The following MIR2052HG variants were observed in gnomAD, a reference collection of about 807,000 sequenced individuals.
MIR2052HG encodes the protein MIR2052 host gene.
chr8:74,631,127 T>C (rs551754266), intron 2 of MIR2052HG, among the ~76,000 whole-genome samples: 53 of 152,298 alleles, frequency 3.5e-4, no homozygotes, highest in African/African-American at 1.2e-3. Flanking sequence ...GCAATTATCA[T>C]GTAAGGTATA....
chr8:74,622,630 A>AGAAAAGAC (rs1808378619), intron 2 of MIR2052HG, among the ~76,000 whole-genome samples: 3 of 152,052 alleles, frequency 2.0e-5, no homozygotes, highest in Non-Finnish European at 1.5e-5. Flanking sequence ...AATTTTAAAA[A>AGAAAAGAC]GAAAAGACGA....
intron 4 of MIR2052HG, among the ~76,000 whole-genome samples, chr8:74,704,245 A>G (rs796819031): frequency 4.6e-5 from 7 of 152,104 alleles, no homozygotes; most frequent in African/African-American, 1.7e-4. Context: ...TTTTCTTTCT[A>G]TACTTCTTGG....
intron 2 of MIR2052HG, chr8:74,625,190 C>T (rs1287507556): frequency 6.6e-6 from 1 of 152,110 alleles, no homozygotes; most frequent in Non-Finnish European, 1.5e-5. Flanking sequence ...TCCTAAATAG[C>T]AAGGACTACA....
At chr8:74,635,046 A>G (rs1808565246) in intron 2 of MIR2052HG, among the ~76,000 whole-genome samples, 1 of 152,186 alleles carries the variant, frequency 6.6e-6, no homozygotes, top group Non-Finnish European at 1.5e-5. Context: ...ATGACTTATT[A>G]GGATTTTAGA....
At chr8:74,756,008 AC>A (rs1406215707) in intron 5 of MIR2052HG, among the ~76,000 whole-genome samples, 13 of 152,306 alleles carry the variant, frequency 8.5e-5, no homozygotes, top group Admixed American at 4.6e-4. Flanking sequence ...TACTTCAGAC[AC>A]CAGCAGCACT....
At chr8:74,701,452 C>T (rs759155702) in intron 2 of MIR2052HG, among the ~76,000 whole-genome samples, 42 of 151,952 alleles carry the variant, frequency 2.8e-4, no homozygotes, top group African/African-American at 4.3e-4. Flanking sequence ...CTCCATACTC[C>T]GGGGCAGTCA....
At chr8:74,686,259 T>A (rs74795429) in intron 2 of MIR2052HG, among the ~76,000 whole-genome samples, 2,182 of 152,122 alleles carry the variant, frequency 0.014, 40 homozygotes, top group African/African-American at 0.05. Context: ...GTCTCCCTAG[T>A]CTAATTCTGA....
At chr8:74,747,891 A>T (rs1809903254) in intron 4 of MIR2052HG, among the ~76,000 whole-genome samples, 1 of 152,144 alleles carries the variant, frequency 6.6e-6, no homozygotes, top group South Asian at 2.1e-4. Flanking sequence ...CCCCCTAGAA[A>T]ATTTTCCTCA....
chr8:74,687,832 G>T lies in MIR2052HG; in HGVS notation n.217-14547G>T, dbSNP rs58330177. Among the ~76,000 whole-genome samples the T allele has an allele frequency of 2.0e-5, 3 of 152,224 alleles. No individual in the cohort carries two copies. In the East Asian group the frequency reaches 5.8e-4, roughly 29 times the overall value. On this transcript the variant is annotated intron_variant and non_coding_transcript_variant, in intron 2 of 6. Coordinates refer to ENST00000523442, the Ensembl canonical transcript of MIR2052HG. ...ATTAACTGGGTAGATTTTATGTTAA[G>T]TATTCTTATCACAAAAATGGGACAC...
chr8:74,715,500 T>C (rs1047604657), intron 4 of MIR2052HG, among the ~76,000 whole-genome samples: 1 of 152,156 alleles, frequency 6.6e-6, no homozygotes, highest in Non-Finnish European at 1.5e-5. Flanking sequence ...AACTCAAAGG[T>C]GTTTGACTAG....
At chr8:74,741,045 G>T (rs1809823369) in intron 4 of MIR2052HG, among the ~76,000 whole-genome samples, 1 of 152,062 alleles carries the variant, frequency 6.6e-6, no homozygotes, top group Non-Finnish European at 1.5e-5. Flanking sequence ...GCAAACCTTT[G>T]GTTATATTTT....
At chr8:74,658,356 G>T (rs1292686582) in intron 2 of MIR2052HG, among the ~76,000 whole-genome samples, 3 of 150,676 alleles carry the variant, frequency 2.0e-5, no homozygotes, top group African/African-American at 7.3e-5. Context: ...TGTCTTGTCT[G>T]CTTTGCCTGC....
intron 2 of MIR2052HG, among the ~76,000 whole-genome samples, chr8:74,679,805 G>A (rs1464292529): frequency 6.6e-6 from 1 of 152,034 alleles, no homozygotes; most frequent in Admixed American, 6.6e-5. Context: ...GCCTCCCAAA[G>A]TGCTAGGATT....
At chr8:74,711,970 C>T (rs1240704390) in intron 4 of MIR2052HG, among the ~76,000 whole-genome samples, 1 of 152,132 alleles carries the variant, frequency 6.6e-6, no homozygotes, top group Non-Finnish European at 1.5e-5. Flanking sequence ...CTGGAGAGTT[C>T]CTTCCATGCC....
At chr8:74,737,220 A>G (rs936725113) in intron 4 of MIR2052HG, among the ~76,000 whole-genome samples, 27 of 152,162 alleles carry the variant, frequency 1.8e-4, no homozygotes, top group African/African-American at 6.5e-4. Context: ...CTGTAACCTC[A>G]CTTCAGCCTC....
intron 4 of MIR2052HG, among the ~76,000 whole-genome samples, chr8:74,751,713 T>C (rs1809948610): frequency 6.6e-6 from 1 of 152,174 alleles, no homozygotes; most frequent in Non-Finnish European, 1.5e-5. Context: ...TATGTCATGG[T>C]AAAATGAACT....
Position 74,603,578 on chromosome 8 carries a change from T to G in MIR2052HG, n.128+3670T>G. 4.5e-6 allele frequency: 7 copies of G among 1,546,644 alleles called. No individual in the cohort carries two copies. In the South Asian group the frequency reaches 6.7e-5, roughly 15 times the overall value. On this transcript the variant is annotated intron_variant and non_coding_transcript_variant, in intron 1 of 6. Transcript: ENST00000523442. ...CTGAATCCAGTGTTGCCATGCGTCA[T>G]GGGAAAATGAGACTGTTGCATTGCC...
chr8:74,609,333 C>T (rs2128731120), intron 1 of MIR2052HG, among the ~76,000 whole-genome samples: 1 of 151,896 alleles, frequency 6.6e-6, no homozygotes, highest in African/African-American at 2.4e-5. Context: ...AACTTTAGAC[C>T]CAGATGCTTC....
intron 2 of MIR2052HG, among the ~76,000 whole-genome samples, chr8:74,698,643 A>G (rs1267444272): frequency 2.0e-5 from 3 of 152,190 alleles, no homozygotes; most frequent in Non-Finnish European, 2.9e-5. Context: ...TATACAAGGA[A>G]CTCAAACAAA....
Sources: gnomAD v4.1 joint callset for allele counts (sites outside exome capture counted in the v4.1 genomes callset) on GRCh38, gnomAD v4.1.1 for gene constraint, MANE v1.5 for transcripts, NCBI Gene and HGNC (gene_info 2026-07-23, HGNC 2026-07-21) for gene names.